CELF2: variants seen among roughly 807,000 people sequenced by gnomAD.
CELF2 encodes CUG triplet repeat RNA-binding protein 2.
Under a neutral mutation model 62.6 loss-of-function variants are expected in CELF2, and 8 were observed. The observed-to-expected ratio is 0.13, with a 90% CI of 0.07 to 0.23. The LOEUF (loss-of-function observed/expected upper bound fraction) is 0.23. CELF2 is among the 10% of genes least tolerant of loss of function. The pLI, the probability that CELF2 is intolerant of heterozygous loss-of-function variation, is 1.00. For missense variants in CELF2, 333 were observed against 671.0 expected, an observed-to-expected ratio of 0.50 and a Z score of 5.56; for synonymous variants, 258 against 250.0, an observed-to-expected ratio of 1.03 and a Z score of -0.30.
intron 1 of CELF2, among the ~76,000 whole-genome samples, chr10:11,162,946 C>G (rs1674458421): frequency 6.6e-6 from 1 of 152,170 alleles, no homozygotes; most frequent in African/African-American, 2.4e-5. Context: ...GCTGCCAGAA[C>G]TCAGAGCCCC....
intron 2 of CELF2, among the ~76,000 whole-genome samples, chr10:11,175,241 G>A (rs951873153): frequency 6.6e-6 from 1 of 152,140 alleles, no homozygotes; most frequent in Non-Finnish European, 1.5e-5. Flanking sequence ...AGGGAGAGCA[G>A]CATGAATCGC....
intron 1 of CELF2, among the ~76,000 whole-genome samples, chr10:10,806,924 G>T (rs1255499323): frequency 6.6e-6 from 1 of 152,136 alleles, no homozygotes; most frequent in Non-Finnish European, 1.5e-5. Context: ...AGGATGTGTT[G>T]CAGTTTTCTA....
intron 9 of CELF2, among the ~76,000 whole-genome samples, chr10:11,308,250 T>A (rs1270935491): frequency 2.6e-5 from 4 of 152,246 alleles, no homozygotes; most frequent in Non-Finnish European, 5.9e-5. Context: ...TTCTTTCCAT[T>A]TATCCTACTT....
intron 1 of CELF2, among the ~76,000 whole-genome samples, chr10:11,059,984 T>C (rs1044814773): frequency 6.6e-6 from 1 of 152,246 alleles, no homozygotes; most frequent in African/African-American, 2.4e-5. Flanking sequence ...TTTCTTGGAT[T>C]CTTTTTATTT....
intron 2 of CELF2, among the ~76,000 whole-genome samples, chr10:10,987,877 T>A (rs1438616082): frequency 6.6e-6 from 1 of 152,092 alleles, no homozygotes; most frequent in East Asian, 1.9e-4. Flanking sequence ...ACATCACTGA[T>A]TATCAGGGAA....
chr10:10,717,378 T>TA, the CELF2 span, among the ~76,000 whole-genome samples: 2,178 of 145,948 alleles, frequency 0.015, 44 homozygotes, highest in African/African-American at 0.05. Context: ...TGAAACTTAT[T>TA]AAAAAAAAAA....
chr10:10,959,371 A>G (rs1044297561), intron 2 of CELF2, among the ~76,000 whole-genome samples: 7 of 152,192 alleles, frequency 4.6e-5, no homozygotes, highest in African/African-American at 1.7e-4. Context: ...CAAAGTAAGG[A>G]AGACTTTATT....
At chr10:10,504,142 G>A in the CELF2 span, among the ~76,000 whole-genome samples, 1 of 152,048 alleles carries the variant, frequency 6.6e-6, no homozygotes, top group African/African-American at 2.4e-5. Context: ...AAATCCAGTT[G>A]TATTAACTAC....
Position 11,329,336 on chromosome 10 carries a change from T to TTTAA in CELF2, c.*286_*289dup, listed in dbSNP as rs2095924275. ...ATTTGAATCTCCTTTTACCTTTTTT[T>TTTAA]TTAATTTTTTTCATTTTTGCTTTTT... On this transcript the variant is annotated 3_prime_UTR_variant, in exon 13 of 13. Coordinates refer to ENST00000633077, the MANE Select transcript of CELF2 (RefSeq NM_001326342.2). This position sits in a 1 kb window ranked among gnomAD's most constrained non-coding sequence, Gnocchi z 5.5. 1 of 216,128 alleles carries TTTAA rather than the reference T, an allele frequency of 4.6e-6. No individual in the cohort carries two copies. Among genetic ancestry groups the TTTAA allele is most frequent in the Non-Finnish European group, 9.1e-6 (1 of 110,308 alleles). The allele number at this position is 216,128 out of a possible 1,614,324, so 13.4% of individuals were successfully genotyped here.
intron 2 of CELF2, among the ~76,000 whole-genome samples, chr10:11,210,613 AG>A (rs2061562449): frequency 6.6e-6 from 1 of 152,218 alleles, no homozygotes; most frequent in African/African-American, 2.4e-5. Flanking sequence ...CTTTCCAGAA[AG>A]GTCCCTCCTG....
chr10:11,105,125 A>G (rs1351754184), intron 1 of CELF2, among the ~76,000 whole-genome samples: 1 of 152,174 alleles, frequency 6.6e-6, no homozygotes, highest in Non-Finnish European at 1.5e-5. Flanking sequence ...GGGAAATAAA[A>G]CTCTAAGTCC....
intron 11 of CELF2, among the ~76,000 whole-genome samples, chr10:11,323,520 T>C (rs2095563062): frequency 6.6e-6 from 1 of 152,010 alleles, no homozygotes; most frequent in African/African-American, 2.4e-5. Context: ...CTGGTGTGTT[T>C]TTTCCCCAGA....
chr10:10,909,585 T>A (rs988762031), intron 1 of CELF2, among the ~76,000 whole-genome samples: 4 of 152,222 alleles, frequency 2.6e-5, no homozygotes, highest in Admixed American at 1.3e-4. Context: ...TGTTTTCATT[T>A]CTCAGAAAGA....
chr10:11,026,824 C>T (rs942944406), intron 1 of CELF2, among the ~76,000 whole-genome samples: 1 of 152,182 alleles, frequency 6.6e-6, no homozygotes, highest in Middle Eastern at 3.2e-3. Flanking sequence ...TATCCAAATA[C>T]CTAGCTCATC....
intron 1 of CELF2, among the ~76,000 whole-genome samples, chr10:11,068,869 C>CT (rs2068900770): frequency 6.6e-6 from 1 of 152,200 alleles, no homozygotes; most frequent in Non-Finnish European, 1.5e-5. Flanking sequence ...CTCATTATTT[C>CT]TTTTAAGGCA....
chr10:11,187,485 T>G lies in CELF2; in HGVS notation c.271+21803T>G, dbSNP rs139580617. 7.3e-3 allele frequency among the ~76,000 whole-genome samples: 1,110 copies of G among 152,294 alleles called. 13 individuals are homozygous for G. Among genetic ancestry groups the G allele is most frequent in the African/African-American group, 0.025 (1,052 of 41,548 alleles). On this transcript the variant is annotated intron_variant, in intron 2 of 12. Transcript: ENST00000633077. Reference sequence around the variant, plus strand: ...TTTTTTTGAATCCACTCAGACAAGTTCTACCTTTTAATTGGAGTGTTTAGA... The same window carrying G: ...TTTTTTTGAATCCACTCAGACAAGTGCTACCTTTTAATTGGAGTGTTTAGA...
At chr10:10,583,827 G>C in the CELF2 span, among the ~76,000 whole-genome samples, 1 of 152,156 alleles carries the variant, frequency 6.6e-6, no homozygotes, top group Non-Finnish European at 1.5e-5. Flanking sequence ...TCAACCTAAG[G>C]AAAGATGAGG....
the CELF2 span, among the ~76,000 whole-genome samples, chr10:10,621,976 A>C: frequency 6.6e-6 from 1 of 152,362 alleles, no homozygotes; most frequent in South Asian, 2.1e-4. Context: ...AGTTTCTCAC[A>C]TAGAGCCTTG....
At position 11,269,060 on chromosome 10, in the gene CELF2, A is replaced by G. The variant is rs1343656157; in HGVS notation, c.619-1606A>G. Among the ~76,000 whole-genome samples the G allele has an allele frequency of 3.9e-5, 6 of 152,352 alleles. No homozygotes were observed. Among genetic ancestry groups the G allele is most frequent in the African/African-American group, 7.2e-5 (3 of 41,586 alleles). On this transcript the variant is annotated intron_variant, in intron 6 of 12. Coordinates refer to ENST00000633077, the MANE Select transcript of CELF2 (RefSeq NM_001326342.2). The surrounding 1 kb of genome is among the most constrained non-coding windows in gnomAD (Gnocchi z 4.4). ...TAGATGTTCTGTTAGGAGAGATGCT[A>G]TAATTTGTTATGGAACAAATTTGAT...
Sources: allele counts gnomAD v4.1 joint callset (sites outside exome capture counted in the v4.1 genomes callset), GRCh38; gene constraint gnomAD v4.1.1; non-coding constraint Gnocchi (gnomAD v3.1); transcripts MANE v1.5; gene names NCBI Gene and HGNC (gene_info 2026-07-23, HGNC 2026-07-21).